The following PPP3CA variants were observed in gnomAD, a reference collection of about 807,000 sequenced individuals.
PPP3CA encodes the protein CAM-PRP catalytic subunit.
A neutral mutation model predicts 66.5 loss-of-function variants in PPP3CA; 14 were observed. The ratio of observed to expected loss-of-function variants is 0.21; its 90% CI spans 0.14 to 0.33. The LOEUF (loss-of-function observed/expected upper bound fraction) is 0.33. Ranked by LOEUF, PPP3CA falls within the 10% of genes least tolerant of loss-of-function variation. The pLI, the probability that PPP3CA is intolerant of heterozygous loss-of-function variation, is 1.00. For missense variants in PPP3CA, 317 were observed against 639.5 expected, an observed-to-expected ratio of 0.50 and a Z score of 5.44; for synonymous variants, 232 against 226.2, an observed-to-expected ratio of 1.03 and a Z score of -0.23.
chr4:101,190,846 A>T (rs1724577763), intron 2 of PPP3CA, among the ~76,000 whole-genome samples: 1 of 152,206 alleles, frequency 6.6e-6, no homozygotes, highest in Non-Finnish European at 1.5e-5. Flanking sequence ...TATAATCAAC[A>T]GTCAAAATAA....
chr4:101,322,699 C>T (rs1729079352), intron 1 of PPP3CA, among the ~76,000 whole-genome samples: 1 of 152,188 alleles, frequency 6.6e-6, no homozygotes, highest in African/African-American at 2.4e-5. Context: ...CGTGAGCCAA[C>T]TGCACTTGGC....
At chr4:101,271,255 G>A (rs1727329095) in intron 1 of PPP3CA, among the ~76,000 whole-genome samples, 1 of 152,036 alleles carries the variant, frequency 6.6e-6, no homozygotes, top group Admixed American at 6.6e-5. Context: ...AACAATTTAT[G>A]CATTTAGCTA....
intron 1 of PPP3CA, among the ~76,000 whole-genome samples, chr4:101,322,755 G>C (rs1443013653): frequency 7.9e-5 from 12 of 151,862 alleles, no homozygotes; most frequent in Admixed American, 6.6e-4. Flanking sequence ...GCATCCTCAG[G>C]AACTATGAGA....
chr4:101,046,542 G>C (rs967861532), intron 10 of PPP3CA, among the ~76,000 whole-genome samples: 1 of 151,832 alleles, frequency 6.6e-6, no homozygotes, highest in Non-Finnish European at 1.5e-5. Flanking sequence ...TTTTTTGTGT[G>C]TTTTAAAAGG....
At position 101,168,682 on chromosome 4, in the gene PPP3CA, G is replaced by T. The variant is rs897276900; in HGVS notation, c.259+27234C>A. The stretch of plus-strand genomic sequence containing the variant: ...AAGAGGGAGTGTCAACTTCTCAGGA[G>T]GTCCAATGAAAGAAAGACTAAAAAT... On this transcript the variant is annotated intron_variant, in intron 2 of 13. Transcript: ENST00000394854. Among the ~76,000 whole-genome samples the T allele has an allele frequency of 6.0e-4, 92 of 152,218 alleles. 2 individuals carry two copies. The highest frequency in any genetic ancestry group is 5.6e-3 in the Admixed American group (85 of 15,274).
intron 2 of PPP3CA, among the ~76,000 whole-genome samples, chr4:101,110,434 A>G (rs140230266): frequency 5.9e-4 from 90 of 152,346 alleles, no homozygotes; most frequent in East Asian, 3.1e-3. Flanking sequence ...AAGAACCCAC[A>G]GCACTATAAG....
intron 10 of PPP3CA, among the ~76,000 whole-genome samples, chr4:101,045,019 T>C (rs1727696775): frequency 6.6e-6 from 1 of 152,236 alleles, no homozygotes; most frequent in African/African-American, 2.4e-5. Context: ...ATAACAGATG[T>C]TGGCTCTGAC....
At chr4:101,182,170 A>G (rs1441338777) in intron 2 of PPP3CA, among the ~76,000 whole-genome samples, 1 of 152,146 alleles carries the variant, frequency 6.6e-6, no homozygotes, top group Non-Finnish European at 1.5e-5. Context: ...TATTAAACAA[A>G]ATCAAATTGA....
chr4:101,245,358 T>C (rs910865900), intron 1 of PPP3CA, among the ~76,000 whole-genome samples: 1 of 152,218 alleles, frequency 6.6e-6, no homozygotes, highest in Non-Finnish European at 1.5e-5. Context: ...GGCTTATTTC[T>C]GATTTCTCAT....
In PPP3CA at chr4:101,024,945, A is replaced by AT. The variant is rs539384846; in HGVS notation, c.*919dup. Reference sequence around the variant, plus strand: ...TTTCTTAAAAAACATGCATAGGCAGATTTTTTTTTTTTTTACAGAATATAG... The same window carrying AT: ...TTTCTTAAAAAACATGCATAGGCAGATTTTTTTTTTTTTTTACAGAATATAG... On this transcript the variant is annotated 3_prime_UTR_variant, in exon 14 of 14. Coordinates refer to ENST00000394854, the MANE Select transcript of PPP3CA (RefSeq NM_000944.5). The AT allele has an allele frequency of 0.098, 14,259 of 145,370 alleles. 906 individuals are homozygous for AT. Among genetic ancestry groups the AT allele is most frequent in the African/African-American group, 0.19 (7,365 of 39,726 alleles). The allele number at this position is 145,370 out of a possible 1,614,324, so 9.0% of individuals were successfully genotyped here.
intron 1 of PPP3CA, among the ~76,000 whole-genome samples, chr4:101,247,887 C>CTATATA (rs541679352): frequency 1.3e-5 from 2 of 151,502 alleles, no homozygotes; most frequent in African/African-American, 4.8e-5. Context: ...GACAAAAAAC[C>CTATATA]TATATATATA....
chr4:101,105,214 T>C (rs1037803547), intron 3 of PPP3CA, among the ~76,000 whole-genome samples: 4 of 151,478 alleles, frequency 2.6e-5, no homozygotes, highest in Admixed American at 2.6e-4. Context: ...GTTGCTAGGC[T>C]GGAGTGCAGT....
At chr4:101,251,829 A>G (rs775335638) in intron 1 of PPP3CA, among the ~76,000 whole-genome samples, 1 of 152,202 alleles carries the variant, frequency 6.6e-6, no homozygotes, top group African/African-American at 2.4e-5. Flanking sequence ...GCAAAAAGTA[A>G]AACAAGATCT....
chr4:101,158,639 CT>C (rs1723403400), intron 2 of PPP3CA, among the ~76,000 whole-genome samples: 1 of 152,182 alleles, frequency 6.6e-6, no homozygotes, highest in African/African-American at 2.4e-5. Flanking sequence ...GTGACCTCAA[CT>C]GTGGCCTCTA....
intron 4 of PPP3CA, 114 bp downstream of exon 4, chr4:101,099,497 T>A: frequency 4.0e-6 from 2 of 496,056 alleles, no homozygotes; most frequent in Non-Finnish European, 7.0e-6. Flanking sequence ...TGAAAGAGTG[T>A]CACTTTAAGT....
chr4:101,258,824 T>C (rs1349303479), intron 1 of PPP3CA, among the ~76,000 whole-genome samples: 4 of 152,140 alleles, frequency 2.6e-5, no homozygotes, highest in South Asian at 4.1e-4. Context: ...TGAAATCAAA[T>C]GTCTTTTAGG....
chr4:101,092,060 C>T (rs774714356), intron 6 of PPP3CA, among the ~76,000 whole-genome samples: 5 of 151,910 alleles, frequency 3.3e-5, no homozygotes, highest in Non-Finnish European at 2.9e-5. Context: ...TGAGGTGACA[C>T]GATAGGAAGA....
chr4:101,030,640 G>T (rs1355265455), intron 12 of PPP3CA, among the ~76,000 whole-genome samples: 1 of 152,052 alleles, frequency 6.6e-6, no homozygotes, highest in Non-Finnish European at 1.5e-5. Flanking sequence ...TGAAAATCTG[G>T]AAATGAAACA....
At chr4:101,293,807 G>A (rs1045980731) in intron 1 of PPP3CA, among the ~76,000 whole-genome samples, 1 of 152,188 alleles carries the variant, frequency 6.6e-6, no homozygotes, top group African/African-American at 2.4e-5. Context: ...GTAGCTGAAT[G>A]TTCTGCTCCA....
Sources: allele counts gnomAD v4.1 joint callset (sites outside exome capture counted in the v4.1 genomes callset), GRCh38; gene constraint gnomAD v4.1.1; transcripts MANE v1.5; gene names NCBI Gene and HGNC (gene_info 2026-07-23, HGNC 2026-07-21).